Variants in RPA1 observed in about 807,000 individuals in gnomAD.
RPA1 encodes replication protein A 70 kDa DNA-binding subunit.
In RPA1, 49 loss-of-function variants were observed where a neutral mutation model predicts 83.0. The observed-to-expected ratio is 0.59, with a 90% confidence interval of 0.47 to 0.75. The LOEUF (loss-of-function observed/expected upper bound fraction) is 0.75, where lower values mean the gene tolerates loss of function less well. RPA1 is among the 30% of genes least tolerant of loss of function. The probability of loss-of-function intolerance (pLI) is 0.00; values close to 1 mark genes in which losing one functional copy is unlikely to be tolerated. For missense variants in RPA1, 693 were observed against 776.1 expected (o/e 0.89, Z 1.27); for synonymous variants, 279 against 281.8 (o/e 0.99, Z 0.10).
intron 13 of RPA1, among the ~76,000 whole-genome samples, chr17:1,885,729 T>G (rs1206059799): frequency 6.6e-6 from 1 of 152,158 alleles, no homozygotes; most frequent in Non-Finnish European, 1.5e-5. Context: ...TGTGAGCGAC[T>G]GTGCCCAGCC....
At chr17:1,874,032 T>TATATATATATATATACAC (rs1171343408) in intron 6 of RPA1, among the ~76,000 whole-genome samples, 42 of 79,218 alleles carry the variant, frequency 5.3e-4, no homozygotes, top group African/African-American at 2.4e-3. Flanking sequence ...TATATATATA[T>TATATATATATATATACAC]ACACACACAC....
At chr17:1,880,838 C>A in intron 12 of RPA1, 147 bp downstream of exon 12, 1 of 1,110,756 alleles carries the variant, frequency 9.0e-7, no homozygotes, top group Non-Finnish European at 1.3e-6. Context: ...ATTATGCCTT[C>A]TGTGAGGAGG....
intron 1 of RPA1, among the ~76,000 whole-genome samples, chr17:1,832,238 T>C (rs902442778): frequency 6.7e-6 from 1 of 149,772 alleles, no homozygotes; most frequent in Non-Finnish European, 1.5e-5. Context: ...GCCCTGAACA[T>C]TTTTTTCCCT....
chr17:1,849,897 C>T (rs574394427), intron 4 of RPA1, among the ~76,000 whole-genome samples: 1 of 152,080 alleles, frequency 6.6e-6, no homozygotes, highest in South Asian at 2.1e-4. Context: ...CTAGGCTGGA[C>T]GTGGTGGCTC....
chr17:1,867,911 G>A (rs1913238167), intron 5 of RPA1, among the ~76,000 whole-genome samples: 2 of 151,608 alleles, frequency 1.3e-5, no homozygotes, highest in Admixed American at 6.6e-5. Flanking sequence ...GACAAAAGTA[G>A]TCTCTACAAA....
intron 13 of RPA1, among the ~76,000 whole-genome samples, chr17:1,888,205 ATC>A (rs1914065376): frequency 2.0e-5 from 3 of 152,162 alleles, no homozygotes; most frequent in Admixed American, 1.3e-4. Context: ...GAAAAGGTGA[ATC>A]TAGGCCTAGA....
At chr17:1,830,244 T>TGGGGGGGGGTGTTGTG in intron 1 of RPA1, 118 bp downstream of exon 1, 1 of 184,700 alleles carries the variant, frequency 5.4e-6, no homozygotes, top group Non-Finnish European at 8.4e-6. Flanking sequence ...GGGGAGGAGA[T>TGGGGGGGGGTGTTGTG]GGCGGGGGGC....
At position 1,879,410 on chromosome 17, in the gene RPA1, A is replaced by G. The variant is rs369286715; in HGVS notation, c.952+3A>G. 7.4e-6 allele frequency: 12 copies of G among 1,613,744 alleles called. No individual in the cohort carries two copies. In the African/African-American group the frequency reaches 1.6e-4, roughly 22 times the overall value. The stretch of plus-strand genomic sequence containing the variant: ...CAAGTCGAAAGACTCACTTGTAGGT[A>G]AGCTCGTGTATGAGAAGGAAGAGCA... On this transcript the variant is annotated splice_donor_region_variant and intron_variant, in intron 10 of 16. Transcript: ENST00000254719.
rs17339032 is a variant in RPA1 at position 1,887,167 on chromosome 17, G to C, written c.1375-1508G>C. On this transcript the variant is annotated intron_variant, in intron 13 of 16. Transcript: ENST00000254719. ...GAGAGACAGGAATACTTGATTGGAG[G>C]ATCAGTCAGCATACATACAACATTC... 9.1e-3 allele frequency among the ~76,000 whole-genome samples: 1,381 copies of C among 152,230 alleles called. 22 individuals carry two copies. Among genetic ancestry groups the C allele is most frequent in the African/African-American group, 0.031 (1,307 of 41,540 alleles).
intron 12 of RPA1, 81 bp downstream of exon 12, chr17:1,880,772 C>G (rs1185587353): frequency 6.4e-7 from 1 of 1,568,172 alleles, no homozygotes; most frequent in Non-Finnish European, 8.7e-7. Context: ...TGGGAGCTTT[C>G]TGCCAAGCAG....
At chr17:1,840,296 AT>A (rs944514591) in intron 1 of RPA1, among the ~76,000 whole-genome samples, 1 of 151,178 alleles carries the variant, frequency 6.6e-6, no homozygotes, top group Non-Finnish European at 1.5e-5. Context: ...TACCTGGCTA[AT>A]TTTTTTTGAG....
At chr17:1,879,465 G>A in intron 10 of RPA1, 58 bp downstream of exon 10, 1 of 1,611,306 alleles carries the variant, frequency 6.2e-7, no homozygotes, top group Non-Finnish European at 8.5e-7. Flanking sequence ...GCAGTGTACG[G>A]GGTGGTGTCA....
intron 6 of RPA1, 119 bp downstream of exon 6, chr17:1,872,645 T>C (rs1486971192): frequency 5.9e-6 from 8 of 1,352,878 alleles, no homozygotes; most frequent in Non-Finnish European, 8.1e-6. Flanking sequence ...GGGTTGTGTC[T>C]TGGAAAGAAT....
At position 1,884,386 on chromosome 17, in the gene RPA1, A is replaced by G. The variant is rs1191227914; in HGVS notation, c.1374+442A>G. Among the ~76,000 whole-genome samples, 1 of 152,138 alleles carries G rather than the reference A, an allele frequency of 6.6e-6. No individual in the cohort carries two copies. Among genetic ancestry groups the G allele is most frequent in the East Asian group, 1.9e-4 (1 of 5,192 alleles). On this transcript the variant is annotated intron_variant, in intron 13 of 16. Transcript: ENST00000254719. The surrounding 1 kb of genome is among the most constrained non-coding windows in gnomAD (Gnocchi z 4.1). ...CACGGGTGCTGTTCCTGGCTGTAGA[A>G]TAGTGTATTAACCTCATAGGCTGAG...
rs1913760797 is a variant in RPA1, at chr17:1,880,708, T to C, written c.1241+17T>C. On this transcript the variant is annotated intron_variant, in intron 12 of 16. Coordinates refer to ENST00000254719, the MANE Select transcript of RPA1 (RefSeq NM_002945.5). ...TCGTGGATGGTAGGTTTTGTGGGGC[T>C]AAACAAAGGGTTACTTGAGGCTGGG... 6.2e-7 allele frequency: 1 copy of C among 1,611,904 alleles called. No individual in the cohort carries two copies. Among genetic ancestry groups the C allele is most frequent in the Non-Finnish European group, 8.5e-7 (1 of 1,179,530 alleles).
chr17:1,852,172 A>G (rs1056382123), intron 4 of RPA1, among the ~76,000 whole-genome samples: 2 of 152,178 alleles, frequency 1.3e-5, no homozygotes, highest in South Asian at 2.1e-4. Flanking sequence ...TTGAGCAACA[A>G]CTGTGGGCCA....
chr17:1,848,304 T>C (rs1308829104), intron 4 of RPA1, among the ~76,000 whole-genome samples: 5 of 151,950 alleles, frequency 3.3e-5, no homozygotes, highest in Admixed American at 6.6e-5. Flanking sequence ...TACTGTGTAT[T>C]AGTCATATTT....
chr17:1,849,387 G>C (rs896999804), intron 4 of RPA1, among the ~76,000 whole-genome samples: 7 of 145,698 alleles, frequency 4.8e-5, no homozygotes, highest in African/African-American at 1.8e-4. Flanking sequence ...CCGCCTCCCG[G>C]GTTCACGCCA....
intron 1 of RPA1, among the ~76,000 whole-genome samples, chr17:1,835,175 C>G (rs1023934601): frequency 2.0e-5 from 3 of 151,750 alleles, no homozygotes; most frequent in Non-Finnish European, 4.4e-5. Flanking sequence ...ATGACAGAGT[C>G]TTGTTCTTTG....
Sources: allele counts gnomAD v4.1 joint callset (sites outside exome capture counted in the v4.1 genomes callset), GRCh38; gene constraint gnomAD v4.1.1; non-coding constraint Gnocchi (gnomAD v3.1); transcripts MANE v1.5; gene names NCBI Gene and HGNC (gene_info 2026-07-23, HGNC 2026-07-21).